Variants in MYO1E observed in about 807,000 individuals in gnomAD.
The protein encoded by MYO1E is myosin IE.
A neutral mutation model predicts 151.1 loss-of-function variants in MYO1E; 68 were observed. The ratio of observed to expected loss-of-function variants is 0.45; its 90% CI spans 0.37 to 0.55. The LOEUF is 0.55. MYO1E is among the 20% of genes least tolerant of loss of function. The probability of loss-of-function intolerance (pLI) is 0.00; values close to 1 mark genes in which losing one functional copy is unlikely to be tolerated. For missense variants in MYO1E, 1,363 were observed against 1,389.3 expected (o/e 0.98, Z 0.30); for synonymous variants, 601 against 501.7 (o/e 1.20, Z -2.64).
In MYO1E at chr15:59,133,970, C is replaced by T. The variant is rs543093285; in HGVS notation, c.*3410G>A. On this transcript the variant is annotated 3_prime_UTR_variant, in exon 28 of 28. Coordinates refer to ENST00000288235, the MANE Select transcript of MYO1E (RefSeq NM_004998.4). Reference sequence around the variant, plus strand: ...CCATGGAGTTTGTAATTCATAAAGGCACATCCATATTTTCTCTTACTCATT... The same window carrying T: ...CCATGGAGTTTGTAATTCATAAAGGTACATCCATATTTTCTCTTACTCATT... 6.6e-6 allele frequency: 1 copy of T among 152,198 alleles called. No homozygotes were observed. The highest frequency in any genetic ancestry group is 2.4e-5 in the African/African-American group (1 of 41,446). 9.4% of individuals were successfully genotyped at this position (152,198 alleles called of 1,614,324 possible).
intron 4 of MYO1E, among the ~76,000 whole-genome samples, chr15:59,238,596 G>C (rs1426012731): frequency 1.3e-5 from 2 of 151,958 alleles, no homozygotes; most frequent in Non-Finnish European, 2.9e-5. Flanking sequence ...TTTTGAAATG[G>C]AGTCTCACTT....
In MYO1E at chr15:59,214,102, C is replaced by A. The variant is rs972524263; in HGVS notation, c.1275+126G>T. The A allele has an allele frequency of 8.2e-6, 6 of 733,910 alleles. No individual in the cohort carries two copies. In the African/African-American group the frequency reaches 9.0e-5, roughly 11 times the overall value. 45.5% of individuals were successfully genotyped at this position (733,910 alleles called of 1,614,324 possible). On this transcript the variant is annotated intron_variant, in intron 12 of 27. Transcript: ENST00000288235. ...AATGGCATATGGTTTTTCTGCCTGA[C>A]TTTATTAGATGCATTTCCTAATATA...
intron 1 of MYO1E, among the ~76,000 whole-genome samples, chr15:59,287,048 C>T (rs1225387156): frequency 6.6e-6 from 1 of 152,108 alleles, no homozygotes; most frequent in Non-Finnish European, 1.5e-5. Context: ...ACAAGTTCAT[C>T]CTCTCACTCC....
At chr15:59,149,052 GT>G (rs570700878) in intron 26 of MYO1E, among the ~76,000 whole-genome samples, 39,657 of 126,938 alleles carry the variant, frequency 0.31, 5,611 homozygotes, top group Non-Finnish European at 0.41. Context: ...TTTTTTTTTT[GT>G]TTTTTTTTTT....
At position 59,178,513 on chromosome 15, in the gene MYO1E, G is replaced by T; in HGVS notation, c.1929C>A (p.Thr643=). The T allele has an allele frequency of 6.2e-7, 1 of 1,614,198 alleles. No homozygotes were observed. Among genetic ancestry groups the T allele is most frequent in the South Asian group, 1.1e-5 (1 of 91,084 alleles). The change falls in exon 19 of 28, where the codon ACC becomes ACA. Residue 643 remains threonine, a synonymous_variant. Coordinates refer to ENST00000288235, the MANE Select transcript of MYO1E (RefSeq NM_004998.4). ...TCTCCTCTCCCTGCCAAGAAGGCCA[G>T]GTGGCTTTGGTCAGAATGGCATACC... ...LQRYAILTKA[T]WPSWQGEEKQ... is the part of the protein sequence containing the mutation.
At chr15:59,208,871 G>T in intron 13 of MYO1E, 23 bp from the exon 14 acceptor site, 1 of 1,613,686 alleles carries the variant, frequency 6.2e-7, no homozygotes, top group South Asian at 1.1e-5. Context: ...AGAAGGCAAG[G>T]CCCTAGTCAC....
chr15:59,250,426 C>T (rs2080157309), intron 4 of MYO1E, among the ~76,000 whole-genome samples: 1 of 152,134 alleles, frequency 6.6e-6, no homozygotes, highest in South Asian at 2.1e-4. Flanking sequence ...CACCTCATAC[C>T]GGTAGGAGGT....
chr15:59,278,729 G>C (rs1435265721), intron 1 of MYO1E, among the ~76,000 whole-genome samples: 1 of 152,126 alleles, frequency 6.6e-6, no homozygotes, highest in Non-Finnish European at 1.5e-5. Context: ...ACAGTGCATG[G>C]GGGACAGGGT....
At chr15:59,366,534 A>G (rs567950980) in intron 1 of MYO1E, among the ~76,000 whole-genome samples, 5 of 152,258 alleles carry the variant, frequency 3.3e-5, no homozygotes, top group African/African-American at 1.2e-4. Context: ...CTCATAAATG[A>G]CCATTCAAAA....
chr15:59,362,019 T>C (rs1379569843), intron 1 of MYO1E, among the ~76,000 whole-genome samples: 1 of 151,960 alleles, frequency 6.6e-6, no homozygotes, highest in Admixed American at 6.6e-5. Flanking sequence ...GTATTTTTAA[T>C]AGAGATGGGG....
chr15:59,188,290 C>G, intron 17 of MYO1E, 74 bp from the exon 18 acceptor site: 1 of 1,201,322 alleles, frequency 8.3e-7, no homozygotes, highest in South Asian at 1.2e-5. Flanking sequence ...AGCCAACCCC[C>G]AAGCCCCCAG....
intron 5 of MYO1E, among the ~76,000 whole-genome samples, chr15:59,233,677 A>AT (rs1447921753): frequency 2.7e-5 from 4 of 150,376 alleles, no homozygotes; most frequent in African/African-American, 9.7e-5. Flanking sequence ...AAAAAAAAAA[A>AT]AAAAAAAAGG....
intron 10 of MYO1E, among the ~76,000 whole-genome samples, chr15:59,215,412 C>T (rs1234713238): frequency 6.6e-6 from 1 of 152,134 alleles, no homozygotes; most frequent in Non-Finnish European, 1.5e-5. Flanking sequence ...TAAGGTTGTT[C>T]TATGTAAGAA....
chr15:59,152,747 C>G (rs1292560880), intron 26 of MYO1E, among the ~76,000 whole-genome samples: 3 of 152,176 alleles, frequency 2.0e-5, no homozygotes, highest in Non-Finnish European at 2.9e-5. Context: ...ACAGCAGGTC[C>G]AGTGTTAGAG....
At chr15:59,278,990 G>A (rs12899122) in intron 1 of MYO1E, among the ~76,000 whole-genome samples, 19,733 of 151,960 alleles carry the variant, frequency 0.13, 1,891 homozygotes, top group East Asian at 0.46. Context: ...TGGCACGTGA[G>A]GCTCGGGGAA....
intron 4 of MYO1E, among the ~76,000 whole-genome samples, chr15:59,243,429 A>G (rs762115933): frequency 1.3e-5 from 2 of 152,186 alleles, no homozygotes; most frequent in Admixed American, 6.5e-5. Context: ...GGTCCACATA[A>G]GAGTCCTGTG....
At chr15:59,245,181 A>G (rs2080122387) in intron 4 of MYO1E, among the ~76,000 whole-genome samples, 2 of 152,200 alleles carry the variant, frequency 1.3e-5, no homozygotes, top group African/African-American at 2.4e-5. Flanking sequence ...CCATGCTAAT[A>G]ATAAAAGGTT....
chr15:59,205,300 C>T, intron 15 of MYO1E, 100 bp downstream of exon 15: 4 of 1,172,704 alleles, frequency 3.4e-6, no homozygotes, highest in Non-Finnish European at 5.1e-6. Context: ...GTAGCTGGGA[C>T]TATAGGAACA....
intron 1 of MYO1E, among the ~76,000 whole-genome samples, chr15:59,366,486 C>T (rs558520292): frequency 1.1e-3 from 161 of 152,006 alleles, no homozygotes; most frequent in Non-Finnish European, 1.8e-3. Context: ...AAGGCCTGAA[C>T]GACCACACCC....
Sources: gnomAD v4.1 joint callset for allele counts (sites outside exome capture counted in the v4.1 genomes callset) on GRCh38, gnomAD v4.1.1 for gene constraint, MANE v1.5 for transcripts, NCBI Gene and HGNC (gene_info 2026-07-23, HGNC 2026-07-21) for gene names.